The following JHY variants were observed in gnomAD, a reference collection of about 807,000 sequenced individuals.
JHY encodes the protein junctional cadherin complex regulator.
A neutral mutation model predicts 78.0 loss-of-function variants in JHY; 69 were observed. That is an observed-to-expected ratio of 0.88 (90% CI 0.73 to 1.08). The LOEUF (loss-of-function observed/expected upper bound fraction) is 1.08. Ranked by LOEUF, JHY falls within the 50% of genes least tolerant of loss-of-function variation. The probability of loss-of-function intolerance (pLI) is 0.00; values close to 1 mark genes in which losing one functional copy is unlikely to be tolerated. For synonymous variants in JHY, 368 were observed against 342.6 expected (o/e 1.07, Z -0.82); for missense variants, 944 against 927.8 (o/e 1.02, Z -0.23).
chr11:122,917,416 G>A lies in JHY; in HGVS notation c.865-7481G>A, dbSNP rs1032918214. Among the ~76,000 whole-genome samples the A allele has an allele frequency of 6.6e-6, 1 of 152,186 alleles. No individual in the cohort carries two copies. The highest frequency in any genetic ancestry group is 2.4e-5 in the African/African-American group (1 of 41,446). ...GCAGACGTCTTTCATGCAGTCCCTT[G>A]TATGTCATTTTAAAGCAGAAGCTCT... On this transcript the variant is annotated intron_variant, in intron 3 of 8. Transcript: ENST00000227349. The surrounding 1 kb of genome is among the most constrained non-coding windows in gnomAD (Gnocchi z 4.1).
chr11:122,907,308 C>G (rs1007506616), intron 3 of JHY, among the ~76,000 whole-genome samples: 1 of 151,722 alleles, frequency 6.6e-6, no homozygotes, highest in African/African-American at 2.4e-5. Context: ...CCTCCCGATA[C>G]AGATTATATG....
chr11:122,948,521 G>A (rs917219834), intron 6 of JHY, among the ~76,000 whole-genome samples: 1 of 151,238 alleles, frequency 6.6e-6, no homozygotes, highest in Non-Finnish European at 1.5e-5. Flanking sequence ...ATGTAAAGAT[G>A]AGCTATGACC....
rs776974921 is a variant in JHY at position 122,903,959 on chromosome 11, C to A, written c.379C>A (p.Arg127Ser). The A allele has an allele frequency of 1.2e-6, 2 of 1,607,998 alleles. No homozygotes were observed. Among genetic ancestry groups the A allele is most frequent in the Non-Finnish European group, 1.7e-6 (2 of 1,175,890 alleles). ...QPIEDKYSDL[R>S]YDPNWKSKKE... ...AATAGAAGACAAATATTCAGACCTC[C>A]GCTATGACCCGAACTGGAAGAGTAA... Residue 127 changes from arginine (R) to serine (S), a missense_variant, in exon 3 of 9, where the codon CGC becomes AGC. By Grantham distance (110) the Arg-to-Ser change is moderately radical. Transcript: ENST00000227349.
Position 122,961,234 on chromosome 11 carries a change from G to T in JHY, c.*1789G>T. 1 of 432,756 alleles carries T rather than the reference G, an allele frequency of 2.3e-6. No homozygotes were observed. Among genetic ancestry groups the T allele is most frequent in the South Asian group, 2.6e-5 (1 of 38,004 alleles). 26.8% of individuals were successfully genotyped at this position (432,756 alleles called of 1,614,324 possible). ...ATGAAACATTTGTTCCCTATACTGA[G>T]AGAACTCAATCTATTGGCCAATCAG... On this transcript the variant is annotated 3_prime_UTR_variant, in exon 9 of 9. Transcript: ENST00000227349.
At chr11:122,923,823 T>G (rs1863430568) in intron 3 of JHY, among the ~76,000 whole-genome samples, 1 of 151,410 alleles carries the variant, frequency 6.6e-6, no homozygotes, top group African/African-American at 2.4e-5. Context: ...GTTTAAGCAG[T>G]TATCTGCCTC....
intron 5 of JHY, among the ~76,000 whole-genome samples, chr11:122,943,573 C>T (rs952569493): frequency 3.3e-5 from 5 of 152,128 alleles, no homozygotes; most frequent in Non-Finnish European, 5.9e-5. Flanking sequence ...TAAGAATTGT[C>T]AGTTTTGCCT....
At chr11:122,884,477 A>G (rs546810804) in intron 1 of JHY, among the ~76,000 whole-genome samples, 7 of 152,288 alleles carry the variant, frequency 4.6e-5, no homozygotes, top group African/African-American at 1.7e-4. Flanking sequence ...AGTGAGATAG[A>G]AAATAGACCA....
At chr11:122,901,305 A>AG (rs1476751320) in intron 2 of JHY, among the ~76,000 whole-genome samples, 3 of 152,230 alleles carry the variant, frequency 2.0e-5, no homozygotes, top group African/African-American at 7.2e-5. Context: ...GCAGTGCGTG[A>AG]GCAGGAGTGA....
At chr11:122,924,861 T>G (rs1415585354) in intron 3 of JHY, 36 bp from the exon 4 acceptor site, 1 of 1,525,474 alleles carries the variant, frequency 6.6e-7, no homozygotes, top group Non-Finnish European at 9.1e-7. Context: ...CTAAAATGAA[T>G]CCAGTTAACA....
rs79845444 is a variant in JHY, at chr11:122,959,487, G to T, written c.*42G>T. 1 of 1,578,378 alleles carries T rather than the reference G, an allele frequency of 6.3e-7. No homozygotes were observed. Among genetic ancestry groups the T allele is most frequent in the Non-Finnish European group, 8.7e-7 (1 of 1,152,804 alleles). ...AGGAGACCAAAAATGGTCCAGGAAT[G>T]AACGTGGAGAAAAGAAACGCCAACC... On this transcript the variant is annotated 3_prime_UTR_variant, in exon 9 of 9. Coordinates refer to ENST00000227349, the MANE Select transcript of JHY (RefSeq NM_024806.4).
In JHY at chr11:122,903,993, A is replaced by G. The variant is rs1381747171; in HGVS notation, c.413A>G (p.Glu138Gly). The change falls in exon 3 of 9, where the codon GAA becomes GGA. Residue 138 changes from glutamate to glycine, a missense_variant. By Grantham distance (98) the Glu-to-Gly change is moderately conservative. Transcript: ENST00000227349. The part of the protein sequence containing the change: ...YDPNWKSKKE[E>G]GQLLSVEALP... ...CCGAACTGGAAGAGTAAGAAGGAGG[A>G]AGGGCAGCTGCTGTCTGTGGAAGCG... is the stretch of plus-strand genomic sequence containing the variant. 9.3e-6 allele frequency: 15 copies of G among 1,613,878 alleles called. No homozygotes were observed. The highest frequency in any genetic ancestry group is 1.1e-5 in the Non-Finnish European group (13 of 1,179,902).
chr11:122,905,970 T>G (rs1036209041), intron 3 of JHY: 3 of 152,090 alleles, frequency 2.0e-5, no homozygotes, highest in Non-Finnish European at 1.5e-5. Flanking sequence ...AAAAAAGAAT[T>G]ATGTCACATC....
intron 3 of JHY, chr11:122,905,501 T>C: frequency 2.5e-6 from 3 of 1,177,624 alleles, no homozygotes; most frequent in Non-Finnish European, 3.1e-6. Context: ...CTCTAAGCAT[T>C]TTCTAATGGA....
At chr11:122,884,911 C>T (rs1736686237) in intron 1 of JHY, among the ~76,000 whole-genome samples, 1 of 152,056 alleles carries the variant, frequency 6.6e-6, no homozygotes, top group South Asian at 2.1e-4. Flanking sequence ...ACCCTCCTCC[C>T]ACCGCAGTCT....
intron 3 of JHY, among the ~76,000 whole-genome samples, chr11:122,909,324 C>T (rs895753259): frequency 6.6e-6 from 1 of 152,092 alleles, no homozygotes; most frequent in African/African-American, 2.4e-5. Flanking sequence ...AAATATACTC[C>T]TTGAGAAAGT....
At chr11:122,910,029 C>T (rs1268908490) in intron 3 of JHY, among the ~76,000 whole-genome samples, 2 of 151,926 alleles carry the variant, frequency 1.3e-5, no homozygotes, top group Admixed American at 6.6e-5. Flanking sequence ...ACCCAAATAT[C>T]TGTCATTTGG....
At chr11:122,890,953 A>G (rs1862602790) in intron 2 of JHY, among the ~76,000 whole-genome samples, 1 of 152,218 alleles carries the variant, frequency 6.6e-6, no homozygotes, top group Admixed American at 6.5e-5. Context: ...TAATGCCTCA[A>G]AAATATCATT....
intron 8 of JHY, 180 bp from the exon 9 acceptor site, chr11:122,959,068 T>G: frequency 2.1e-6 from 2 of 956,790 alleles, no homozygotes; most frequent in Non-Finnish European, 2.5e-6. Context: ...GTTTTGTGGC[T>G]AATGTATTTT....
chr11:122,934,245 G>A (rs1863696065), intron 4 of JHY, among the ~76,000 whole-genome samples, 175 bp from the exon 5 acceptor site: 2 of 152,042 alleles, frequency 1.3e-5, no homozygotes, highest in South Asian at 2.1e-4. Flanking sequence ...GAACCTGGGA[G>A]GCGGAGCTTG....
Sources: gnomAD v4.1 joint callset for allele counts (sites outside exome capture counted in the v4.1 genomes callset) on GRCh38, gnomAD v4.1.1 for gene constraint, Gnocchi (gnomAD v3.1) non-coding constraint, MANE v1.5 for transcripts, NCBI Gene and HGNC (gene_info 2026-07-23, HGNC 2026-07-21) for gene names.